Variants in RAB37 observed in about 807,000 individuals in gnomAD.
RAB37 encodes ras-related protein Rab-37.
A neutral mutation model predicts 33.1 loss-of-function variants in RAB37; 29 were observed. The observed-to-expected ratio is 0.88, with a 90% CI of 0.65 to 1.20. The LOEUF (loss-of-function observed/expected upper bound fraction) is 1.20, where lower values mean the gene tolerates loss of function less well. RAB37 is among the 50% of genes most tolerant of loss of function. RAB37 has a pLI of 0.00. For synonymous variants in RAB37, 128 were observed against 119.5 expected, an observed-to-expected ratio of 1.07 and a Z score of -0.47; for missense variants, 299 against 301.1, an observed-to-expected ratio of 0.99 and a Z score of 0.05.
intron 1 of RAB37, chr17:74,713,027 T>C (rs1483341967): frequency 4.1e-6 from 3 of 728,654 alleles, no homozygotes; most frequent in Non-Finnish European, 4.5e-6. Context: ...AGGTGGTTGG[T>C]TGGGCACCGT....
chr17:74,736,680 TCCCCG>T, upstream of RAB37: 1 of 1,535,532 alleles, frequency 6.5e-7, no homozygotes, highest in Non-Finnish European at 8.7e-7. Context: ...AGGGTCAAAG[TCCCCG>T]CACCAGGCAG....
intron 1 of RAB37, among the ~76,000 whole-genome samples, chr17:74,689,072 C>T (rs753179324): frequency 5.3e-5 from 8 of 152,178 alleles, no homozygotes; most frequent in Admixed American, 1.3e-4. Context: ...AAGGCTGAGG[C>T]AGATGGATTA....
At chr17:74,735,564 G>A (rs564750789), upstream of RAB37, among the ~76,000 whole-genome samples, 5 of 152,138 alleles carry the variant, frequency 3.3e-5, no homozygotes, top group South Asian at 1.0e-3. Context: ...AGCAAACCTC[G>A]GCATTATTTG....
At chr17:74,704,829 A>C in intron 1 of RAB37, 4 of 1,599,652 alleles carry the variant, frequency 2.5e-6, no homozygotes, top group Non-Finnish European at 3.4e-6. Flanking sequence ...GGAAAACACA[A>C]ATTCATGTGC....
chr17:74,708,703 T>C (rs1030185943), intron 1 of RAB37, among the ~76,000 whole-genome samples: 2 of 150,370 alleles, frequency 1.3e-5, no homozygotes, highest in Non-Finnish European at 3.0e-5. Context: ...GATCAGGAGG[T>C]GAGGAGATCG....
chr17:74,699,695 C>T (rs2032858215), intron 1 of RAB37, among the ~76,000 whole-genome samples: 1 of 152,144 alleles, frequency 6.6e-6, no homozygotes, highest in Admixed American at 6.5e-5. Context: ...AATTCCTGGC[C>T]TCCTTAGCTG....
intron 1 of RAB37, chr17:74,673,091 T>C (rs1183562827): frequency 2.6e-5 from 4 of 152,178 alleles, no homozygotes; most frequent in Non-Finnish European, 5.9e-5. Flanking sequence ...TATTTGATGT[T>C]GTCAATTTAG....
upstream of RAB37, among the ~76,000 whole-genome samples, chr17:74,734,595 A>G (rs1184943102): frequency 1.3e-5 from 2 of 152,144 alleles, no homozygotes; most frequent in East Asian, 1.9e-4. Context: ...TGTAATCCCA[A>G]TACTTTGGGA....
chr17:74,675,159 G>A (rs1223755550), intron 1 of RAB37, among the ~76,000 whole-genome samples: 1 of 152,106 alleles, frequency 6.6e-6, no homozygotes, highest in Non-Finnish European at 1.5e-5. Flanking sequence ...AATAAAAGTG[G>A]TTGTATTGGC....
Position 74,744,640 on chromosome 17 carries a change from A to C in RAB37, c.433-233A>C. On this transcript the variant is annotated intron_variant, in intron 6 of 8. Transcript: ENST00000392613. The surrounding 1 kb of genome is among the most constrained non-coding windows in gnomAD (Gnocchi z 4.2). ...GAACAGGGTCCCAGGTCAGGGGCTA[A>C]GAGTGCAAAGGGTTAGCCCCAACTG... 1.6e-6 allele frequency: 1 copy of C among 625,866 alleles called. No homozygotes were observed. Among genetic ancestry groups the C allele is most frequent in the South Asian group, 1.9e-5 (1 of 51,850 alleles). The allele number at this position is 625,866 out of a possible 1,614,324, so 38.8% of individuals were successfully genotyped here.
At chr17:74,682,398 A>C (rs2031973047) in intron 1 of RAB37, among the ~76,000 whole-genome samples, 1 of 151,940 alleles carries the variant, frequency 6.6e-6, no homozygotes, top group South Asian at 2.1e-4. Flanking sequence ...GTGGGGCCCC[A>C]TTATTGACAG....
upstream of RAB37, among the ~76,000 whole-genome samples, chr17:74,736,252 C>T (rs571728759): frequency 1.3e-5 from 2 of 152,174 alleles, no homozygotes; most frequent in South Asian, 4.2e-4. Context: ...CCAGCTCTCC[C>T]CTCCCTACAC....
chr17:74,741,552 C>G (rs569140303), intron 2 of RAB37, among the ~76,000 whole-genome samples: 2 of 147,744 alleles, frequency 1.4e-5, no homozygotes, highest in African/African-American at 5.1e-5. Context: ...CGCCACTGCA[C>G]TCCAGCCTGG....
At chr17:74,691,221 G>A (rs1271779323) in intron 1 of RAB37, among the ~76,000 whole-genome samples, 1 of 151,920 alleles carries the variant, frequency 6.6e-6, no homozygotes, top group African/African-American at 2.4e-5. Context: ...GGCTGCTCTC[G>A]AACTCCTGGG....
intron 1 of RAB37, chr17:74,695,916 CT>C (rs2032422231): frequency 9.5e-6 from 15 of 1,575,720 alleles, no homozygotes; most frequent in East Asian, 6.8e-5. Flanking sequence ...ACACAGGTTC[CT>C]TTTCCACGGT....
chr17:74,707,201 T>G (rs1443180862), intron 1 of RAB37, among the ~76,000 whole-genome samples: 1 of 152,104 alleles, frequency 6.6e-6, no homozygotes, highest in Non-Finnish European at 1.5e-5. Flanking sequence ...AGCGACAACC[T>G]ACAGAGTGAG....
rs1311823641 is a variant in RAB37 at position 74,745,227 on chromosome 17, C to T, written c.567-79C>T. ...CATTTGCTCTGGGAGCACTGGGCCACTGGGAGAGGGGAGGGGGCGGCTCAG... is the reference window on the plus strand; with the variant it reads ...CATTTGCTCTGGGAGCACTGGGCCATTGGGAGAGGGGAGGGGGCGGCTCAG... On this transcript the variant is annotated intron_variant, in intron 8 of 8. Transcript: ENST00000392613. The surrounding 1 kb of genome is among the most constrained non-coding windows in gnomAD (Gnocchi z 4.5). The T allele has an allele frequency of 7.1e-6, 11 of 1,543,846 alleles. No homozygotes were observed. Among genetic ancestry groups the T allele is most frequent in the Non-Finnish European group, 9.8e-6 (11 of 1,117,626 alleles).
chr17:74,742,240 T>G lies in RAB37; in HGVS notation c.205-14T>G. 6 of 1,610,576 alleles carry G rather than the reference T, an allele frequency of 3.7e-6. No individual in the cohort carries two copies. The highest frequency in any genetic ancestry group is 5.1e-6 in the Non-Finnish European group (6 of 1,177,950). On this transcript the variant is annotated splice_polypyrimidine_tract_variant and intron_variant, in intron 2 of 8. Coordinates refer to ENST00000392613, the MANE Select transcript of RAB37 (RefSeq NM_001006638.3). The surrounding 1 kb of genome is among the most constrained non-coding windows in gnomAD (Gnocchi z 4.0). ...GACTCCTGCCCTCCCATCCTCTGCC[T>G]TTTTCTCTTTCAGAACAAGGTGGTG...
intron 1 of RAB37, among the ~76,000 whole-genome samples, chr17:74,697,540 G>A (rs930499448): frequency 1.9e-4 from 29 of 152,324 alleles, no homozygotes; most frequent in South Asian, 1.7e-3. Flanking sequence ...CTTCCCAGGC[G>A]AAAGATTTCC....
Sources: allele counts gnomAD v4.1 joint callset (sites outside exome capture counted in the v4.1 genomes callset), GRCh38; gene constraint gnomAD v4.1.1; non-coding constraint Gnocchi (gnomAD v3.1); transcripts MANE v1.5; gene names NCBI Gene and HGNC (gene_info 2026-07-23, HGNC 2026-07-21).